Variants in NALCN observed in about 807,000 individuals in gnomAD.
NALCN encodes the protein sodium leak channel NALCN.
In NALCN, 111 loss-of-function variants were observed where a neutral mutation model predicts 225.3. That is an observed-to-expected ratio of 0.49 (90% CI 0.42 to 0.58). The LOEUF (loss-of-function observed/expected upper bound fraction) is 0.58, where lower values mean the gene tolerates loss of function less well. NALCN is among the 20% of genes least tolerant of loss of function. The probability of loss-of-function intolerance (pLI) is 0.00; values close to 1 mark genes in which losing one functional copy is unlikely to be tolerated. For synonymous variants in NALCN, 764 were observed against 769.0 expected, an observed-to-expected ratio of 0.99 and a Z score of 0.11; for missense variants, 1,378 against 2,202.4, an observed-to-expected ratio of 0.63 and a Z score of 7.49.
intron 7 of NALCN, among the ~76,000 whole-genome samples, chr13:101,318,590 G>A (rs71441504): frequency 4.3e-4 from 66 of 152,164 alleles, no homozygotes; most frequent in Non-Finnish European, 8.7e-4. Flanking sequence ...CTTGGCTCTT[G>A]AGCAGAAAAA....
intron 7 of NALCN, among the ~76,000 whole-genome samples, chr13:101,307,089 C>T (rs1329754855): frequency 6.6e-6 from 1 of 152,194 alleles, no homozygotes; most frequent in Non-Finnish European, 1.5e-5. Flanking sequence ...TTGTTATGAA[C>T]TTCTAAGTCA....
chr13:101,327,384 TG>T (rs5806209), intron 7 of NALCN, among the ~76,000 whole-genome samples: 21 of 151,582 alleles, frequency 1.4e-4, no homozygotes, highest in Middle Eastern at 3.4e-3. Flanking sequence ...GCTAAAACAT[TG>T]GGGGGGATGA....
intron 14 of NALCN, among the ~76,000 whole-genome samples, chr13:101,187,838 C>A (rs1417947332): frequency 6.6e-6 from 1 of 152,080 alleles, no homozygotes; most frequent in African/African-American, 2.4e-5. Context: ...TCTTAAAGGT[C>A]CAGACAGTAA....
chr13:101,404,013 T>G (rs910119601), intron 1 of NALCN, among the ~76,000 whole-genome samples: 9 of 152,372 alleles, frequency 5.9e-5, no homozygotes, highest in African/African-American at 2.2e-4. Flanking sequence ...CTGACCATTT[T>G]GTTAAGTGAC....
intron 7 of NALCN, among the ~76,000 whole-genome samples, chr13:101,329,938 C>T (rs2045101142): frequency 6.6e-6 from 1 of 151,756 alleles, no homozygotes; most frequent in Non-Finnish European, 1.5e-5. Flanking sequence ...ACTTGGGAGG[C>T]TGAGGCATGA....
chr13:101,392,014 A>G (rs552758746), intron 3 of NALCN, among the ~76,000 whole-genome samples: 1 of 151,446 alleles, frequency 6.6e-6, no homozygotes, highest in Non-Finnish European at 1.5e-5. Flanking sequence ...CAAAAAAAAA[A>G]CAAAAAATAA....
chr13:101,162,898 ATATTT>A (rs1387119586), intron 15 of NALCN, among the ~76,000 whole-genome samples: 2 of 152,058 alleles, frequency 1.3e-5, no homozygotes, highest in Non-Finnish European at 2.9e-5. Context: ...AAATCCCACT[ATATTT>A]TATTTTATTT....
intron 2 of NALCN, among the ~76,000 whole-genome samples, chr13:101,395,609 C>T (rs1015855695): frequency 6.6e-6 from 1 of 152,144 alleles, no homozygotes; most frequent in African/African-American, 2.4e-5. Context: ...AAGGTGGAGG[C>T]ATTTCTGTGG....
intron 1 of NALCN, 79 bp from the exon 2 acceptor site, chr13:101,399,244 C>T (rs1312138064): frequency 1.0e-6 from 1 of 959,280 alleles, no homozygotes; most frequent in African/African-American, 1.6e-5. Flanking sequence ...CATATATCTA[C>T]TTATTTGTAA....
In NALCN at chr13:101,367,125, T is replaced by A. The variant is rs535815547; in HGVS notation, c.644+9575A>T. On this transcript the variant is annotated intron_variant, in intron 6 of 43. Transcript: ENST00000251127. ...AATGACAGAATTTCTTTTTTTATTT[T>A]TTTTTATTTTTTTAATTTTAATATA... Among the ~76,000 whole-genome samples, 200 of 151,940 alleles carry A rather than the reference T, an allele frequency of 1.3e-3. 1 individual carries two copies. Among genetic ancestry groups the A allele is most frequent in the Non-Finnish European group, 2.2e-3 (147 of 67,930 alleles).
rs531857484 is a variant in NALCN, at chr13:101,397,746, T to C, written c.108+1273A>G. Among the ~76,000 whole-genome samples the C allele has an allele frequency of 2.6e-5, 4 of 152,126 alleles. No homozygotes were observed. In the East Asian group the frequency reaches 7.7e-4, roughly 29 times the overall value. On this transcript the variant is annotated intron_variant, in intron 2 of 43. Transcript: ENST00000251127. ...AATGTATATAATGTAAATATACACA[T>C]AATATATGATGCATATAAAAATACA...
At chr13:101,057,308 A>T (rs1391038389) in intron 43 of NALCN, 1 of 153,672 alleles carries the variant, frequency 6.5e-6, no homozygotes, top group Admixed American at 6.4e-5. Context: ...GAAGAAGCTC[A>T]TAGAAGAAAA....
In NALCN at chr13:101,081,717, A is replaced by G; in HGVS notation, c.3766-71T>C. On this transcript the variant is annotated intron_variant, in intron 33 of 43. Coordinates refer to ENST00000251127, the MANE Select transcript of NALCN (RefSeq NM_052867.4). Reference sequence around the variant, plus strand: ...ACATATTTAAATGTATTAACTTGAGATGCATTATGTGTATGTATTTTTTTC... The same window carrying G: ...ACATATTTAAATGTATTAACTTGAGGTGCATTATGTGTATGTATTTTTTTC... 1.1e-5 allele frequency: 17 copies of G among 1,555,760 alleles called. 1 individual carries two copies. In the South Asian group the frequency reaches 2.0e-4, roughly 18 times the overall value.
At chr13:101,258,340 C>A in intron 11 of NALCN, 103 bp downstream of exon 11, 1 of 1,466,960 alleles carries the variant, frequency 6.8e-7, no homozygotes, top group Non-Finnish European at 9.2e-7. Flanking sequence ...TGGTGAAAGT[C>A]AAGTAATGAA....
intron 15 of NALCN, among the ~76,000 whole-genome samples, chr13:101,166,343 C>T (rs1049838440): frequency 6.6e-6 from 1 of 152,042 alleles, no homozygotes; most frequent in African/African-American, 2.4e-5. Context: ...AGCAGCAGCA[C>T]CATTTTACAT....
At chr13:101,090,036 C>T (rs942954511) in intron 28 of NALCN, 70 bp from the exon 29 acceptor site, 10 of 1,602,960 alleles carry the variant, frequency 6.2e-6, no homozygotes, top group Admixed American at 1.7e-5. Context: ...TATCTGTAGC[C>T]CTTTCCAGTC....
chr13:101,273,943 C>A (rs938032263), intron 10 of NALCN, among the ~76,000 whole-genome samples: 3 of 144,764 alleles, frequency 2.1e-5, no homozygotes, highest in Non-Finnish European at 3.0e-5. Context: ...AAATGTTCAA[C>A]ATCCATTAAT....
chr13:101,363,045 T>C (rs1025759201), intron 6 of NALCN, among the ~76,000 whole-genome samples: 1 of 152,000 alleles, frequency 6.6e-6, no homozygotes, highest in African/African-American at 2.4e-5. Context: ...AAGTGAAAGA[T>C]CTCTACAATG....
intron 20 of NALCN, among the ~76,000 whole-genome samples, chr13:101,108,596 C>A (rs2035268106): frequency 1.3e-5 from 2 of 152,138 alleles, no homozygotes; most frequent in Non-Finnish European, 2.9e-5. Context: ...AGGGTGCAGG[C>A]TGTGGTAGGA....
Sources: allele counts gnomAD v4.1 joint callset (sites outside exome capture counted in the v4.1 genomes callset), GRCh38; gene constraint gnomAD v4.1.1; transcripts MANE v1.5; gene names NCBI Gene and HGNC (gene_info 2026-07-23, HGNC 2026-07-21).